The following GALNT17 variants were observed in gnomAD, a reference collection of about 807,000 sequenced individuals.
The protein encoded by GALNT17 is polypeptide N-acetylgalactosaminyltransferase 17.
In GALNT17, 29 loss-of-function variants were observed where a neutral mutation model predicts 63.7. That is an observed-to-expected ratio of 0.46 (90% CI 0.34 to 0.62). The LOEUF is 0.62. Among genes scored for constraint, GALNT17 ranks in the 20% least tolerant of loss-of-function variants. The pLI is 0.01. For missense variants in GALNT17, 603 were observed against 799.6 expected, an observed-to-expected ratio of 0.75 and a Z score of 2.97; for synonymous variants, 305 against 318.3, an observed-to-expected ratio of 0.96 and a Z score of 0.45.
intron 1 of GALNT17, among the ~76,000 whole-genome samples, chr7:71,251,206 ATC>A (rs1015520820): frequency 2.0e-5 from 3 of 150,426 alleles, no homozygotes; most frequent in African/African-American, 7.3e-5. Flanking sequence ...CTGAAAGAGA[ATC>A]ACAATGCTTA....
intron 1 of GALNT17, among the ~76,000 whole-genome samples, chr7:71,245,382 G>C (rs1050537140): frequency 2.0e-5 from 3 of 152,190 alleles, no homozygotes; most frequent in African/African-American, 7.2e-5. Flanking sequence ...TGTGCTGCCT[G>C]TCATCCACGG....
At chr7:71,467,132 G>A (rs1295431723) in intron 5 of GALNT17, among the ~76,000 whole-genome samples, 2 of 152,206 alleles carry the variant, frequency 1.3e-5, no homozygotes, top group African/African-American at 2.4e-5. Context: ...AGGTTGCTTA[G>A]TAGAAGCACT....
chr7:71,453,479 C>T (rs1583967801), intron 5 of GALNT17, among the ~76,000 whole-genome samples: 1 of 152,294 alleles, frequency 6.6e-6, no homozygotes, highest in Non-Finnish European at 1.5e-5. Flanking sequence ...TAAAAGATTT[C>T]CCTTTATAAA....
intron 1 of GALNT17, among the ~76,000 whole-genome samples, chr7:71,145,884 T>G (rs1788013966): frequency 6.6e-6 from 1 of 152,118 alleles, no homozygotes; most frequent in South Asian, 2.1e-4. Context: ...TTTTGTATTT[T>G]TAGTAGACAC....
chr7:71,530,425 G>A (rs1788698352), intron 5 of GALNT17, among the ~76,000 whole-genome samples: 1 of 152,122 alleles, frequency 6.6e-6, no homozygotes, highest in South Asian at 2.1e-4. Flanking sequence ...TTCTATCTCA[G>A]TTATTCTTAA....
intron 5 of GALNT17, among the ~76,000 whole-genome samples, chr7:71,505,199 G>A (rs1788247392): frequency 6.6e-6 from 1 of 151,956 alleles, no homozygotes; most frequent in South Asian, 2.1e-4. Flanking sequence ...TCTTCTTCCT[G>A]CCACATCTTC....
intron 5 of GALNT17, among the ~76,000 whole-genome samples, chr7:71,557,685 G>A (rs532735174): frequency 6.6e-6 from 1 of 152,202 alleles, no homozygotes; most frequent in South Asian, 2.1e-4. Flanking sequence ...CAGATACTCG[G>A]GAGGCTGAGG....
intron 5 of GALNT17, among the ~76,000 whole-genome samples, chr7:71,569,266 G>A (rs556066699): frequency 1.3e-5 from 2 of 152,148 alleles, no homozygotes; most frequent in East Asian, 1.9e-4. Context: ...CATCGTGCCC[G>A]GCTCTAACAT....
intron 1 of GALNT17, among the ~76,000 whole-genome samples, chr7:71,166,156 C>T (rs142591061): frequency 8.5e-5 from 13 of 152,288 alleles, no homozygotes; most frequent in African/African-American, 2.4e-4. Flanking sequence ...TGGACGTTGG[C>T]GCTCAATGTA....
At chr7:71,492,763 G>C (rs1788031818) in intron 5 of GALNT17, among the ~76,000 whole-genome samples, 1 of 152,222 alleles carries the variant, frequency 6.6e-6, no homozygotes, top group South Asian at 2.1e-4. Flanking sequence ...TAGAGTGTTT[G>C]ACGTATCGCT....
chr7:71,148,633 A>G (rs1223361558), intron 1 of GALNT17, among the ~76,000 whole-genome samples: 1 of 152,088 alleles, frequency 6.6e-6, no homozygotes, highest in Non-Finnish European at 1.5e-5. Flanking sequence ...TAGAAATTCA[A>G]TTAACTAGAA....
At chr7:71,246,005 C>T (rs966519854) in intron 1 of GALNT17, among the ~76,000 whole-genome samples, 3 of 151,630 alleles carry the variant, frequency 2.0e-5, no homozygotes, top group African/African-American at 7.3e-5. Context: ...TATTTCATAC[C>T]TCTGAACTAG....
chr7:71,328,185 T>G (rs1791736817), intron 1 of GALNT17, among the ~76,000 whole-genome samples: 1 of 152,244 alleles, frequency 6.6e-6, no homozygotes, highest in African/African-American at 2.4e-5. Flanking sequence ...ATAGTGCCAC[T>G]TGGCTTTAAC....
At chr7:71,450,139 ATT>A (rs55881759) in intron 5 of GALNT17, among the ~76,000 whole-genome samples, 210 of 130,032 alleles carry the variant, frequency 1.6e-3, no homozygotes, top group Non-Finnish European at 1.9e-3. Flanking sequence ...GTATTTAAAG[ATT>A]TTTTTTTTTT....
At chr7:71,303,520 A>G (rs1040781732) in intron 1 of GALNT17, among the ~76,000 whole-genome samples, 9 of 152,172 alleles carry the variant, frequency 5.9e-5, no homozygotes, top group Admixed American at 3.3e-4. Context: ...CCATTTGAAT[A>G]GACATTGGGA....
Position 71,712,125 on chromosome 7 carries a change from C to A in GALNT17, c.1776C>A (p.Thr592=). The change falls in exon 11 of 11, where the codon ACC becomes ACA. Residue 592 remains threonine (T), a synonymous_variant. Transcript: ENST00000333538. ...GCAGCTGCACAGGTCAGAGGTGGAC[C>A]ATTAAGAACTCCATCAAGTAGAGGG... ...ILRSCTGQRW[T]IKNSIK is the part of the protein sequence containing the mutation. 1 of 1,613,558 alleles carries A rather than the reference C, an allele frequency of 6.2e-7. No individual in the cohort carries two copies. The highest frequency in any genetic ancestry group is 8.5e-7 in the Non-Finnish European group (1 of 1,179,758).
chr7:71,649,106 C>T (rs530389701), intron 6 of GALNT17, among the ~76,000 whole-genome samples: 1 of 152,312 alleles, frequency 6.6e-6, no homozygotes, highest in African/African-American at 2.4e-5. Flanking sequence ...GCCAGCCCAC[C>T]TGCCCTGACC....
chr7:71,196,404 T>C (rs1166850146), intron 1 of GALNT17, among the ~76,000 whole-genome samples: 1 of 151,822 alleles, frequency 6.6e-6, no homozygotes, highest in African/African-American at 2.4e-5. Flanking sequence ...CCTCCCAAAG[T>C]GTTGGGATTA....
At chr7:71,660,444 C>G (rs1790891162) in intron 6 of GALNT17, among the ~76,000 whole-genome samples, 1 of 152,238 alleles carries the variant, frequency 6.6e-6, no homozygotes, top group African/African-American at 2.4e-5. Flanking sequence ...CAGTCAGAGT[C>G]TTGTTCCTAC....
Sources: allele counts gnomAD v4.1 joint callset (sites outside exome capture counted in the v4.1 genomes callset), GRCh38; gene constraint gnomAD v4.1.1; transcripts MANE v1.5; gene names NCBI Gene and HGNC (gene_info 2026-07-23, HGNC 2026-07-21).